Variants in CCNK observed in about 807,000 individuals in gnomAD.
The protein encoded by CCNK is cyclin-K.
In CCNK, 9 loss-of-function variants were observed where a neutral mutation model predicts 65.0. The observed-to-expected ratio is 0.14, with a 90% CI of 0.08 to 0.24. CCNK has a LOEUF of 0.24. Ranked by LOEUF, CCNK falls within the 10% of genes least tolerant of loss-of-function variation. The probability of loss-of-function intolerance (pLI) is 1.00; values close to 1 mark genes in which losing one functional copy is unlikely to be tolerated. For synonymous variants in CCNK, 279 were observed against 270.8 expected, an observed-to-expected ratio of 1.03 and a Z score of -0.30; for missense variants, 474 against 720.0, an observed-to-expected ratio of 0.66 and a Z score of 3.91.
Position 99,510,829 on chromosome 14 carries a change from C to A in CCNK, c.*47C>A. On this transcript the variant is annotated 3_prime_UTR_variant, in exon 11 of 11. Transcript: ENST00000389879. The stretch of plus-strand genomic sequence containing the variant: ...TGTTTTTTTAACAAGATTTTCTAAT[C>A]GACTTGCAGAGTAGTTGAAGTGGGT... 7.3e-7 allele frequency: 1 copy of A among 1,375,770 alleles called. No individual in the cohort carries two copies. The highest frequency in any genetic ancestry group is 9.4e-7 in the Non-Finnish European group (1 of 1,060,434). 85.2% of individuals were successfully genotyped at this position (1,375,770 alleles called of 1,614,324 possible). A position where few individuals can be genotyped will look rare whatever the true frequency, so the allele number is the denominator to read the frequency against.
chr14:99,495,453 G>A, intron 3 of CCNK, 45 bp from the exon 4 acceptor site: 1 of 1,575,630 alleles, frequency 6.3e-7, no homozygotes. Context: ...CTATTTCTGT[G>A]TGACCTTTGA....
At chr14:99,503,722 TTTTC>T in intron 9 of CCNK, 78 bp downstream of exon 9, 1 of 1,276,728 alleles carries the variant, frequency 7.8e-7, no homozygotes, top group South Asian at 1.4e-5. Flanking sequence ...ACATTGTTTC[TTTTC>T]AGATCTAAAT....
chr14:99,491,092 G>T (rs889864526), intron 1 of CCNK, among the ~76,000 whole-genome samples: 1 of 152,106 alleles, frequency 6.6e-6, no homozygotes, highest in Non-Finnish European at 1.5e-5. Context: ...ATGCTATTGT[G>T]TGCATGTGTC....
intron 1 of CCNK, among the ~76,000 whole-genome samples, chr14:99,488,258 G>A (rs1595305042): frequency 6.9e-6 from 1 of 144,496 alleles, no homozygotes; most frequent in Non-Finnish European, 1.5e-5. Flanking sequence ...TTTCCAAATT[G>A]TTTGAAATTT....
intron 10 of CCNK, chr14:99,507,563 C>CA: frequency 5.9e-6 from 1 of 168,578 alleles, no homozygotes; most frequent in Non-Finnish European, 1.3e-5. Flanking sequence ...GACCGTGTCT[C>CA]AAAGTTCTGA....
intron 1 of CCNK, among the ~76,000 whole-genome samples, chr14:99,482,523 G>A (rs1896370418): frequency 6.6e-6 from 1 of 152,154 alleles, no homozygotes; most frequent in Admixed American, 6.5e-5. Context: ...AAATAATCTT[G>A]ACTATGAATA....
At position 99,511,391 on chromosome 14, in the gene CCNK, T is replaced by C. The variant is rs1008582147; in HGVS notation, c.*609T>C. ...AAATTAATGTATGTTTACATCTCTTTGCAAATTCCTGTACATAGAGATATA... is the reference window on the plus strand; with the variant it reads ...AAATTAATGTATGTTTACATCTCTTCGCAAATTCCTGTACATAGAGATATA... On this transcript the variant is annotated 3_prime_UTR_variant, in exon 11 of 11. Transcript: ENST00000389879. 6.6e-6 allele frequency: 1 copy of C among 152,456 alleles called. No homozygotes were observed. Among genetic ancestry groups the C allele is most frequent in the African/African-American group, 2.4e-5 (1 of 41,466 alleles). 9.4% of individuals were successfully genotyped at this position (152,456 alleles called of 1,614,324 possible). A position where few individuals can be genotyped will look rare whatever the true frequency, so the allele number is the denominator to read the frequency against.
chr14:99,500,979 TG>T, intron 5 of CCNK, 108 bp downstream of exon 5: 1 of 722,108 alleles, frequency 1.4e-6, no homozygotes, highest in Non-Finnish European at 2.4e-6. Context: ...GTTTGATGTG[TG>T]AAATACCAAG....
chr14:99,507,044 G>A, intron 9 of CCNK, 32 bp from the exon 10 acceptor site: 1 of 1,264,386 alleles, frequency 7.9e-7, no homozygotes, highest in Non-Finnish European at 1.2e-6. Context: ...GAAGAAGTAT[G>A]AGTGGTTTTC....
chr14:99,496,752 C>CA (rs1896710060), intron 4 of CCNK, among the ~76,000 whole-genome samples: 1 of 149,248 alleles, frequency 6.7e-6, no homozygotes, highest in African/African-American at 2.5e-5. Flanking sequence ...AAAAAAAAAA[C>CA]CTTTATTATT....
chr14:99,485,552 C>T (rs2139847730), intron 1 of CCNK, among the ~76,000 whole-genome samples: 1 of 152,318 alleles, frequency 6.6e-6, no homozygotes, highest in African/African-American at 2.4e-5. Context: ...CTTGTTCTGA[C>T]TCCTCTAGTG....
intron 1 of CCNK, among the ~76,000 whole-genome samples, chr14:99,481,866 T>G (rs1466730883): frequency 6.6e-6 from 1 of 152,238 alleles, no homozygotes; most frequent in Non-Finnish European, 1.5e-5. Context: ...AGTCCCAACC[T>G]TGGCTAGGCC....
At chr14:99,493,331 C>T (rs1215249628) in intron 2 of CCNK, among the ~76,000 whole-genome samples, 183 bp from the exon 3 acceptor site, 2 of 152,156 alleles carry the variant, frequency 1.3e-5, no homozygotes, top group Non-Finnish European at 2.9e-5. Flanking sequence ...TATAAAACTT[C>T]AGCTTGCTAA....
chr14:99,510,634 C>G lies in CCNK; in HGVS notation c.1595C>G (p.Pro532Arg). ...CTCCCGCCTACCCACGCAGTCCCCC[C>G]TCATCCTCCTCCAGGGTTGGGCCTG... The part of the protein sequence containing the change: ...PRLPPTHAVP[P>R]HPPPGLGLPP... Residue 532 changes from proline (P) to arginine (R), a missense_variant, in exon 11 of 11, where the codon CCT becomes CGT. Transcript: ENST00000389879. 9 of 1,415,110 alleles carry G rather than the reference C, an allele frequency of 6.4e-6. No homozygotes were observed. Among genetic ancestry groups the G allele is most frequent in the Non-Finnish European group, 8.3e-6 (9 of 1,086,976 alleles). The allele number at this position is 1,415,110 out of a possible 1,614,324, so 87.7% of individuals were successfully genotyped here.
intron 1 of CCNK, among the ~76,000 whole-genome samples, chr14:99,482,282 A>G (rs1428129790): frequency 6.6e-6 from 1 of 152,238 alleles, no homozygotes. Flanking sequence ...ATCTCGATCT[A>G]AATCGCTGTT....
chr14:99,497,292 GTC>G (rs1245503083), intron 4 of CCNK, among the ~76,000 whole-genome samples: 16 of 152,164 alleles, frequency 1.1e-4, no homozygotes, highest in African/African-American at 3.6e-4. Flanking sequence ...TATTTTTACT[GTC>G]TCTATAGTTT....
In CCNK at chr14:99,495,634, G is replaced by A; in HGVS notation, c.411+5G>A. On this transcript the variant is annotated splice_donor_5th_base_variant and intron_variant, in intron 4 of 10. Coordinates refer to ENST00000389879, the MANE Select transcript of CCNK (RefSeq NM_001099402.2). The stretch of plus-strand genomic sequence containing the variant: ...CAGTTTGGAGATGACCCAAAGGTAA[G>A]AATGATAATAACTTCCTGCCTTCTG... 1 of 1,600,302 alleles carries A rather than the reference G, an allele frequency of 6.2e-7. No individual in the cohort carries two copies. The highest frequency in any genetic ancestry group is 1.1e-5 in the South Asian group (1 of 88,402).
chr14:99,504,778 A>G (rs956109114), intron 9 of CCNK: 5 of 152,182 alleles, frequency 3.3e-5, no homozygotes, highest in Non-Finnish European at 7.3e-5. Flanking sequence ...TTAGCTTCAA[A>G]TTGACCGACA....
intron 1 of CCNK, among the ~76,000 whole-genome samples, chr14:99,484,383 A>G (rs1305349596): frequency 6.6e-6 from 1 of 152,244 alleles, no homozygotes; most frequent in Admixed American, 6.5e-5. Flanking sequence ...TATGCACATC[A>G]TATCTGTTTT....
Sources: allele counts gnomAD v4.1 joint callset (sites outside exome capture counted in the v4.1 genomes callset), GRCh38; gene constraint gnomAD v4.1.1; transcripts MANE v1.5; gene names NCBI Gene and HGNC (gene_info 2026-07-23, HGNC 2026-07-21).